LGALS12: variants seen among roughly 807,000 people sequenced by gnomAD.
LGALS12 encodes the protein galectin-12.
LGALS12 carries 36 observed loss-of-function variants against 36.8 expected under a neutral mutation model. The observed-to-expected ratio is 0.98, with a 90% CI of 0.75 to 1.29. The LOEUF (loss-of-function observed/expected upper bound fraction) is 1.29, where lower values mean the gene tolerates loss of function less well. Among genes scored for constraint, LGALS12 ranks in the 50% most tolerant of loss-of-function variants. The pLI is 0.00. For missense variants in LGALS12, 366 were observed against 394.3 expected (o/e 0.93, Z 0.61); for synonymous variants, 145 against 155.9 (o/e 0.93, Z 0.52).
intron 7 of LGALS12, among the ~76,000 whole-genome samples, chr11:63,513,502 T>A (rs944811060): frequency 2.0e-5 from 3 of 152,240 alleles, no homozygotes; most frequent in African/African-American, 7.2e-5. Context: ...ATCTTTTATA[T>A]AAACTCTCTC....
At chr11:63,516,132 CT>C (rs2017074904) in intron 8 of LGALS12, 114 bp from the exon 9 acceptor site, 3 of 1,346,016 alleles carry the variant, frequency 2.2e-6, no homozygotes, top group African/African-American at 2.9e-5. Flanking sequence ...TGGGTGCCCC[CT>C]GGGTCCAGTC....
At chr11:63,511,652 A>G in intron 6 of LGALS12, 100 bp from the exon 7 acceptor site, 1 of 790,158 alleles carries the variant, frequency 1.3e-6, no homozygotes, top group Non-Finnish European at 2.2e-6. Context: ...AGGCCTGGGC[A>G]GAACATGCCT....
intron 8 of LGALS12, 106 bp from the exon 9 acceptor site, chr11:63,516,141 G>T: frequency 7.0e-7 from 1 of 1,423,352 alleles, no homozygotes. Context: ...CCTGGGTCCA[G>T]TCTTCGTGTC....
chr11:63,516,120 A>C, intron 8 of LGALS12, 127 bp from the exon 9 acceptor site: 1 of 1,198,242 alleles, frequency 8.3e-7, no homozygotes, highest in Non-Finnish European at 1.1e-6. Flanking sequence ...CCAGCACTGT[A>C]CTGGGTGCCC....
rs373551716 is a variant in LGALS12, at chr11:63,511,773, C to G, written c.580C>G (p.Leu194Val). Reference sequence around the variant, plus strand: ...TCAGGAGGTGCCCTGCTCACATGCTCTTCCCCAGGGTCTCTCGCCTGGGCA... The same window carrying G: ...TCAGGAGGTGCCCTGCTCACATGCTGTTCCCCAGGGTCTCTCGCCTGGGCA... ...PRLEVPCSHALPQGLSPGQVI... is the reference protein window; with the variant it reads ...PRLEVPCSHAVPQGLSPGQVI... The change falls in exon 7 of 9, where the codon CTT (leucine) becomes GTT (valine). Residue 194 changes from leucine (L) to valine (V), a missense_variant. Coordinates refer to ENST00000394618, the MANE Select transcript of LGALS12 (RefSeq NM_033101.4). 1.2e-6 allele frequency: 2 copies of G among 1,613,628 alleles called. No individual in the cohort carries two copies. Among genetic ancestry groups the G allele is most frequent in the Non-Finnish European group, 1.7e-6 (2 of 1,179,780 alleles).
intron 1 of LGALS12, chr11:63,508,253 G>A (rs2016801030): frequency 8.0e-7 from 1 of 1,249,258 alleles, no homozygotes. Context: ...GCCTCCCTGG[G>A]GTCACTGCAG....
chr11:63,507,552 C>A (rs1365719385), intron 1 of LGALS12, among the ~76,000 whole-genome samples: 1 of 151,962 alleles, frequency 6.6e-6, no homozygotes, highest in Non-Finnish European at 1.5e-5. Flanking sequence ...AAGGGCCAAG[C>A]CAGCCACATG....
rs202203683 is a variant in LGALS12 at position 63,508,774 on chromosome 11, G to A, written c.159-4G>A. ...CGCACTTTGAGAGCCTCACCTCCCAGTAGGTTTCAGGTGGACTTCCAGTGT... is the reference window on the plus strand; with the variant it reads ...CGCACTTTGAGAGCCTCACCTCCCAATAGGTTTCAGGTGGACTTCCAGTGT... On this transcript the variant is annotated splice_polypyrimidine_tract_variant and splice_region_variant and intron_variant, in intron 2 of 8. Coordinates refer to ENST00000394618, the MANE Select transcript of LGALS12 (RefSeq NM_033101.4). The A allele has an allele frequency of 5.0e-6, 8 of 1,614,156 alleles. No individual in the cohort carries two copies. The African/African-American group carries it at 8.0e-5, about 16-fold the overall frequency.
At chr11:63,507,302 G>GT (rs2016769496) in intron 1 of LGALS12, among the ~76,000 whole-genome samples, 1 of 152,330 alleles carries the variant, frequency 6.6e-6, no homozygotes, top group Non-Finnish European at 1.5e-5. Context: ...GTGGTTTTCA[G>GT]TTTTTTCTAG....
chr11:63,513,831 G>C (rs181808050), intron 7 of LGALS12, among the ~76,000 whole-genome samples: 4 of 152,218 alleles, frequency 2.6e-5, no homozygotes, highest in African/African-American at 4.8e-5. Context: ...GAGCTTCACT[G>C]GGCATCTGGT....
chr11:63,516,243 C>T lies in LGALS12; in HGVS notation c.799-4C>T, dbSNP rs762935634. 3 of 1,558,644 alleles carry T rather than the reference C, an allele frequency of 1.9e-6. No homozygotes were observed. Among genetic ancestry groups the T allele is most frequent in the Non-Finnish European group, 2.6e-6 (3 of 1,155,644 alleles). ...TGCAACCCCCTCATGTCCTCCTTTC[C>T]CAGGTGCTGCTCCTGTTCCAGGAGG... On this transcript the variant is annotated splice_region_variant and splice_polypyrimidine_tract_variant and intron_variant, in intron 8 of 8. Coordinates refer to ENST00000394618, the MANE Select transcript of LGALS12 (RefSeq NM_033101.4).
In LGALS12 at chr11:63,509,743, G is replaced by T. The variant is rs771578823; in HGVS notation, c.373-35G>T. On this transcript the variant is annotated intron_variant, in intron 3 of 8. Coordinates refer to ENST00000394618, the MANE Select transcript of LGALS12 (RefSeq NM_033101.4). ...ATTGTTATGAACTCAATGAACATTA[G>T]CTGCTGATAAGCCAGCCTCTGTCTG... is the stretch of plus-strand genomic sequence containing the variant. 2.5e-6 allele frequency: 4 copies of T among 1,611,026 alleles called. No individual in the cohort carries two copies. In the South Asian group the frequency reaches 3.3e-5, roughly 13 times the overall value.
chr11:63,515,511 G>A (rs143540103), intron 7 of LGALS12, 52 bp from the exon 8 acceptor site: 58 of 1,599,384 alleles, frequency 3.6e-5, no homozygotes, highest in Admixed American at 1.7e-4. Flanking sequence ...GCTGAGCAGC[G>A]GCCTATGGGC....
rs1039793189 is a variant in LGALS12 at position 63,509,961 on chromosome 11, G to A, written c.492+64G>A. ...CTCTAATTTCCCCTGACTCCTGGAC[G>A]GGCCTGGGACCCCTTCCTCCACCCT... On this transcript the variant is annotated intron_variant, in intron 4 of 8. Transcript: ENST00000394618. 3.3e-5 allele frequency: 52 copies of A among 1,564,650 alleles called. No homozygotes were observed. In the African/African-American group the frequency reaches 3.9e-4, roughly 12 times the overall value.
rs749952926 is a variant in LGALS12 at position 63,510,508 on chromosome 11, T to C, written c.531+7T>C. On this transcript the variant is annotated splice_region_variant and intron_variant, in intron 5 of 8. Coordinates refer to ENST00000394618, the MANE Select transcript of LGALS12 (RefSeq NM_033101.4). ...AGAGTACCCAGCTGGACATGTGAGTTTCTTGGCAGCAAGGTCTGAGCAGCC... is the reference window on the plus strand; with the variant it reads ...AGAGTACCCAGCTGGACATGTGAGTCTCTTGGCAGCAAGGTCTGAGCAGCC... 6.2e-7 allele frequency: 1 copy of C among 1,613,972 alleles called. No homozygotes were observed. The highest frequency in any genetic ancestry group is 1.1e-5 in the South Asian group (1 of 91,076).
intron 7 of LGALS12, among the ~76,000 whole-genome samples, chr11:63,513,559 A>G (rs1468199775): frequency 6.6e-6 from 1 of 152,234 alleles, no homozygotes; most frequent in African/African-American, 2.4e-5. Flanking sequence ...TGGACCAGAC[A>G]AAACATTCCT....
chr11:63,512,054 C>T (rs1223014469), intron 7 of LGALS12, among the ~76,000 whole-genome samples: 1 of 152,210 alleles, frequency 6.6e-6, no homozygotes, highest in Non-Finnish European at 1.5e-5. Flanking sequence ...CTGCTGGGAG[C>T]ATCATTCCTG....
chr11:63,508,102 G>T (rs2016796877), intron 1 of LGALS12: 8 of 1,023,640 alleles, frequency 7.8e-6, no homozygotes, highest in South Asian at 3.7e-5. Flanking sequence ...CTCTCCAGGG[G>T]TCCATTTCAG....
intron 7 of LGALS12, among the ~76,000 whole-genome samples, chr11:63,513,877 G>A (rs1213619293): frequency 6.6e-6 from 1 of 152,156 alleles, no homozygotes; most frequent in African/African-American, 2.4e-5. Context: ...TGGGCATCTA[G>A]TGATTCATGA....
Sources: gnomAD v4.1 joint callset for allele counts (sites outside exome capture counted in the v4.1 genomes callset) on GRCh38, gnomAD v4.1.1 for gene constraint, MANE v1.5 for transcripts, NCBI Gene and HGNC (gene_info 2026-07-23, HGNC 2026-07-21) for gene names.